P3H1: variants seen among roughly 807,000 people sequenced by gnomAD.
The protein encoded by P3H1 is growth suppressor 1.
Under a neutral mutation model 84.0 loss-of-function variants are expected in P3H1, and 69 were observed. That is an observed-to-expected ratio of 0.82 (90% CI 0.68 to 1.00). The LOEUF (loss-of-function observed/expected upper bound fraction) is 1.00, where lower values mean the gene tolerates loss of function less well. Ranked by LOEUF, P3H1 falls within the 50% of genes least tolerant of loss-of-function variation. The pLI, the probability that P3H1 is intolerant of heterozygous loss-of-function variation, is 0.00. For synonymous variants in P3H1, 366 were observed against 388.8 expected (o/e 0.94, Z 0.69); for missense variants, 878 against 962.8 (o/e 0.91, Z 1.17).
rs762054193 is a variant in P3H1, at chr1:42,755,200, T to A, written c.1188A>T (p.Glu396Asp). 2 of 1,614,134 alleles carry A rather than the reference T, an allele frequency of 1.2e-6. No individual in the cohort carries two copies. The highest frequency in any genetic ancestry group is 1.7e-6 in the Non-Finnish European group (2 of 1,179,966). Residue 396 changes from glutamate to aspartate, a missense_variant, in exon 7 of 15, where the codon GAA becomes GAT. Glu to Asp is a conservative substitution (Grantham distance 45, BLOSUM62 2). Coordinates refer to ENST00000296388, the MANE Select transcript of P3H1 (RefSeq NM_022356.4). ...PFVDPDSWTP[E>D]EVIPKRLQEK... is the part of the protein sequence containing the mutation. Reference sequence around the variant, plus strand: ...CTTGCAATCTCTTGGGAATCACTTCTTCTGGAGTCCATGAATCCTAAGTAG... The same window carrying A: ...CTTGCAATCTCTTGGGAATCACTTCATCTGGAGTCCATGAATCCTAAGTAG...
At chr1:42,759,447 T>C in intron 2 of P3H1, 57 bp from the exon 3 acceptor site, 1 of 1,512,050 alleles carries the variant, frequency 6.6e-7, no homozygotes, top group South Asian at 1.1e-5. Context: ...CCTCTCTCCT[T>C]GCCCTCAGCC....
Position 42,747,420 on chromosome 1 carries a change from G to A in P3H1, c.1915-8C>T, listed in dbSNP as rs1265675547. On this transcript the variant is annotated splice_region_variant and splice_polypyrimidine_tract_variant and intron_variant, in intron 13 of 14. Coordinates refer to ENST00000296388, the MANE Select transcript of P3H1 (RefSeq NM_022356.4). ...CTGAGGCTGCACCTCTGCCTAAGGG[G>A]GACAGAAAGGGAGGGGGGTTGCACA... 1 of 1,608,314 alleles carries A rather than the reference G, an allele frequency of 6.2e-7. No individual in the cohort carries two copies. Among genetic ancestry groups the A allele is most frequent in the Non-Finnish European group, 8.5e-7 (1 of 1,177,106 alleles).
chr1:42,759,959 C>G (rs148448258), intron 2 of P3H1: 584 of 153,682 alleles, frequency 3.8e-3, no homozygotes, highest in Non-Finnish European at 6.1e-3. Context: ...TCTTCCCCCC[C>G]CATTAGTGAC....
chr1:42,750,259 C>T lies in P3H1; in HGVS notation c.1647G>A (p.Met549Ile), dbSNP rs11581921. ...YNVTEKVRRI[M>I]ESYFRLDTPL... ...GCGTATCCAGGCGGAAGTAGGACTC[C>T]ATGATGCGCCGCACCTTCTCCGTCA... is the stretch of plus-strand genomic sequence containing the variant. The change falls in exon 11 of 15, where the codon ATG (methionine) becomes ATA (isoleucine). Residue 549 changes from methionine to isoleucine, a missense_variant. By Grantham distance (10) the Met-to-Ile change is conservative (BLOSUM62 1). Transcript: ENST00000296388. 123,058 of 1,613,800 alleles carry T rather than the reference C, an allele frequency of 0.076. 5,081 individuals are homozygous for T. The highest frequency in any genetic ancestry group is 0.091 in the South Asian group (8,255 of 91,024).
At chr1:42,756,859 C>T (rs561126494) in intron 5 of P3H1, among the ~76,000 whole-genome samples, 4 of 152,320 alleles carry the variant, frequency 2.6e-5, no homozygotes, top group Admixed American at 1.3e-4. Context: ...GCTAACAGTC[C>T]TCATCCCTAA....
intron 1 of P3H1, among the ~76,000 whole-genome samples, chr1:42,765,775 T>G (rs1161007372): frequency 6.6e-6 from 1 of 151,442 alleles, no homozygotes; most frequent in Non-Finnish European, 1.5e-5. Flanking sequence ...AATAACAGCA[T>G]CTACCTGACA....
chr1:42,752,209 A>G, intron 10 of P3H1, 65 bp downstream of exon 10: 1 of 1,373,100 alleles, frequency 7.3e-7, no homozygotes, highest in Non-Finnish European at 1.0e-6. Context: ...CTCTTCCTCA[A>G]AGCCTGAGCT....
chr1:42,763,765 C>T (rs755836975), intron 1 of P3H1, among the ~76,000 whole-genome samples: 1 of 148,156 alleles, frequency 6.7e-6, no homozygotes, highest in Non-Finnish European at 1.5e-5. Context: ...TCCAGCATGT[C>T]AAAGTAACAC....
chr1:42,758,701 A>T lies in P3H1; in HGVS notation c.940+151T>A. ...GCTTCCTAGGCCAGTTGTTTATAAC[A>T]AACTACCCAGGGATCACTTGGCATG... On this transcript the variant is annotated intron_variant, in intron 4 of 14. Coordinates refer to ENST00000296388, the MANE Select transcript of P3H1 (RefSeq NM_022356.4). 9.3e-6 allele frequency: 9 copies of T among 969,328 alleles called. No individual in the cohort carries two copies. The South Asian group carries it at 1.3e-4, about 14-fold the overall frequency. The allele number at this position is 969,328 out of a possible 1,614,324, so 60.0% of individuals were successfully genotyped here. A position where few individuals can be genotyped will look rare whatever the true frequency, so the allele number is the denominator to read the frequency against.
At chr1:42,758,743 C>T in intron 4 of P3H1, 109 bp downstream of exon 4, 1 of 1,341,588 alleles carries the variant, frequency 7.5e-7, no homozygotes, top group East Asian at 2.3e-5. Context: ...CCCATAGCTA[C>T]TGAAATAAGC....
chr1:42,758,756 A>G (rs1162454997), intron 4 of P3H1, 96 bp downstream of exon 4: 14 of 1,443,108 alleles, frequency 9.7e-6, no homozygotes, highest in Non-Finnish European at 1.3e-5. Context: ...AAATAAGCCA[A>G]ACACCTTGAG....
At position 42,747,432 on chromosome 1, in the gene P3H1, A is replaced by AG. The variant is rs1651791872; in HGVS notation, c.1915-21dup. ...CTCTGCCTAAGGGGGACAGAAAGGG[A>AG]GGGGGGTTGCACAGGACAAAGACTG... On this transcript the variant is annotated intron_variant, in intron 13 of 14. Transcript: ENST00000296388. 5.0e-6 allele frequency: 8 copies of AG among 1,604,826 alleles called. No individual in the cohort carries two copies. The highest frequency in any genetic ancestry group is 2.7e-5 in the African/African-American group (2 of 74,706).
Position 42,766,880 on chromosome 1 carries a change from C to A in P3H1, c.92G>T (p.Gly31Val), listed in dbSNP as rs199533680. The A allele has an allele frequency of 1.1e-5, 17 of 1,608,120 alleles. No individual in the cohort carries two copies. The highest frequency in any genetic ancestry group is 1.4e-5 in the Non-Finnish European group (17 of 1,179,842). The change falls in exon 1 of 15, where the codon GGC becomes GTC. Residue 31 changes from glycine (G) to valine (V), a missense_variant. Physicochemically the swap from Gly to Val is moderately radical, Grantham distance 109. Transcript: ENST00000296388. ...GAAGAGCAGATCAGGCGTCACCATGCCCCATCCTGCCTCGGACTCGACCTC... is the reference window on the plus strand; with the variant it reads ...GAAGAGCAGATCAGGCGTCACCATGACCCATCCTGCCTCGGACTCGACCTC... The part of the protein sequence containing the change: ...QAEVESEAGW[G>V]MVTPDLLFAE...
intron 10 of P3H1, among the ~76,000 whole-genome samples, chr1:42,750,729 C>T (rs559293795): frequency 1.3e-3 from 184 of 140,286 alleles, no homozygotes; most frequent in African/African-American, 4.7e-3. Flanking sequence ...CCGCCCTGTC[C>T]GGGAGGTGAG....
intron 5 of P3H1, 110 bp downstream of exon 5, chr1:42,757,673 T>C: frequency 6.6e-7 from 1 of 1,521,234 alleles, no homozygotes; most frequent in African/African-American, 1.4e-5. Context: ...AACACTGACA[T>C]CTGGCCCCTG....
Position 42,759,336 on chromosome 1 carries a change from C to T in P3H1, c.673G>A (p.Val225Met). 1 of 1,614,150 alleles carries T rather than the reference C, an allele frequency of 6.2e-7. No homozygotes were observed. Among genetic ancestry groups the T allele is most frequent in the Non-Finnish European group, 8.5e-7 (1 of 1,180,026 alleles). Reference protein sequence around the residue: ...LYSEEQPQEAVPHLEAALQEY... With the variant: ...LYSEEQPQEAMPHLEAALQEY... ...TGCAGCGCCGCCTCTAGGTGGGGCACAGCTTCCTGTGGCTGTTCCTCTGAG... is the reference window on the plus strand; with the variant it reads ...TGCAGCGCCGCCTCTAGGTGGGGCATAGCTTCCTGTGGCTGTTCCTCTGAG... The change falls in exon 3 of 15, where the codon GTG becomes ATG. Residue 225 changes from valine (V) to methionine (M), a missense_variant. Coordinates refer to ENST00000296388, the MANE Select transcript of P3H1 (RefSeq NM_022356.4).
Position 42,766,600 on chromosome 1 carries a change from G to C in P3H1, c.372C>G (p.Leu124=), listed in dbSNP as rs759316608. 1.2e-6 allele frequency: 2 copies of C among 1,609,294 alleles called. No individual in the cohort carries two copies. The highest frequency in any genetic ancestry group is 1.7e-5 in the Admixed American group (1 of 59,696). ...TGAGCGAGTGGGCGGCCGGCGGCCCGAGGCAGCGGCGCAGGCAGGCAGCGC... is the reference window on the plus strand; with the variant it reads ...TGAGCGAGTGGGCGGCCGGCGGCCCCAGGCAGCGGCGCAGGCAGGCAGCGC... The part of the protein sequence containing the change: ...LRRAACLRRC[L]GPPAAHSLSE... Residue 124 remains leucine (L), a synonymous_variant, in exon 1 of 15, where the codon CTC becomes CTG. Transcript: ENST00000296388.
At chr1:42,750,068 A>G in intron 11 of P3H1, 118 bp downstream of exon 11, 1 of 1,245,670 alleles carries the variant, frequency 8.0e-7, no homozygotes, top group Non-Finnish European at 1.1e-6. Context: ...ATGTATTTAC[A>G]TTGGTTCCCC....
chr1:42,752,460 A>C, intron 9 of P3H1, 77 bp downstream of exon 9: 1 of 1,611,916 alleles, frequency 6.2e-7, no homozygotes, highest in Non-Finnish European at 8.5e-7. Flanking sequence ...AGGAAGGCGA[A>C]GGCTACCACC....
Sources: gnomAD v4.1 joint callset for allele counts (sites outside exome capture counted in the v4.1 genomes callset) on GRCh38, gnomAD v4.1.1 for gene constraint, MANE v1.5 for transcripts, NCBI Gene and HGNC (gene_info 2026-07-23, HGNC 2026-07-21) for gene names.